Variants in TCF20 observed in about 807,000 individuals in gnomAD.
TCF20 encodes the protein transcription factor 20.
TCF20 carries 3 observed loss-of-function variants against 148.6 expected under a neutral mutation model. That is an observed-to-expected ratio of 0.02 (90% CI 0.01 to 0.05). TCF20 has a LOEUF of 0.05. Ranked by LOEUF, TCF20 falls within the 10% of genes least tolerant of loss-of-function variation. The pLI is 1.00. For synonymous variants in TCF20, 1,049 were observed against 909.5 expected (o/e 1.15, Z -2.76); for missense variants, 2,350 against 2,429.3 (o/e 0.97, Z 0.69).
Position 42,207,978 on chromosome 22 carries a change from C to T in TCF20, c.5655+1673G>A, listed in dbSNP as rs372949926. Among the ~76,000 whole-genome samples the T allele has an allele frequency of 3.9e-5, 6 of 152,180 alleles. No homozygotes were observed. In the East Asian group the frequency reaches 1.2e-3, roughly 29 times the overall value. ...CTGACGTGGGAGGATTGCTTAAGCT[C>T]AGGTGGTGAGACCAGCCTGCCTGGG... On this transcript the variant is annotated intron_variant, in intron 2 of 5. Transcript: ENST00000677622.
intron 1 of TCF20, among the ~76,000 whole-genome samples, chr22:42,261,162 T>C (rs1431730117): frequency 1.3e-5 from 2 of 152,268 alleles, no homozygotes; most frequent in South Asian, 2.1e-4. Flanking sequence ...TAATCCTTAT[T>C]ACACGTATCT....
chr22:42,217,084 A>C (rs1921885653), intron 1 of TCF20, among the ~76,000 whole-genome samples: 1 of 152,250 alleles, frequency 6.6e-6, no homozygotes. Flanking sequence ...GAAAGTCAAC[A>C]ACCTTTTTAA....
Position 42,211,492 on chromosome 22 carries a change from C to T in TCF20, c.3814G>A (p.Asp1272Asn). ...TCTTCAGTGCTACTGTTCTTTACAT[C>T]TTGTGACTGTCTCTTACTGGGAATG... ...SPIPSKRQSQ[D>N]VKNSSTEDKG... Residue 1272 changes from aspartate (D) to asparagine (N), a missense_variant, in exon 2 of 6, where the codon GAT becomes AAT. This residue lies in a region of TCF20 where 1,641 missense variants were observed against 1,662.6 expected (regional missense o/e 0.99). Transcript: ENST00000677622. 6.2e-7 allele frequency: 1 copy of T among 1,614,180 alleles called. No individual in the cohort carries two copies. Among genetic ancestry groups the T allele is most frequent in the Non-Finnish European group, 8.5e-7 (1 of 1,180,036 alleles).
At chr22:42,164,798 G>A (rs962739274) in intron 5 of TCF20, among the ~76,000 whole-genome samples, 1 of 152,202 alleles carries the variant, frequency 6.6e-6, no homozygotes, top group African/African-American at 2.4e-5. Context: ...CCCAGGAGAT[G>A]GGAGCCTGTT....
In TCF20 at chr22:42,212,569, C is replaced by G. The variant is rs1466164378; in HGVS notation, c.2737G>C (p.Gly913Arg). The G allele has an allele frequency of 6.2e-7, 1 of 1,613,914 alleles. No individual in the cohort carries two copies. Among genetic ancestry groups the G allele is most frequent in the Admixed American group, 1.7e-5 (1 of 60,010 alleles). Residue 913 changes from glycine (G) to arginine (R), a missense_variant, in exon 2 of 6, where the codon GGT becomes CGT. Around this residue, in one of 7 missense-constraint regions of TCF20, gnomAD observed 1,641 missense variants for 1,662.6 expected, o/e 0.99. Transcript: ENST00000677622. ...TLSQSVILPG[G>R]LVSMETKLKS... is the part of the protein sequence containing the mutation. ...AGCTTGGTTTCCATGGACACCAAAC[C>G]ACCAGGAAGAATGACCGACTGACTT...
intron 2 of TCF20, among the ~76,000 whole-genome samples, chr22:42,181,725 C>T (rs968065088): frequency 6.6e-6 from 1 of 151,578 alleles, no homozygotes; most frequent in African/African-American, 2.4e-5. Context: ...CTCCTGACCT[C>T]AGCCTCCCGA....
intron 1 of TCF20, among the ~76,000 whole-genome samples, chr22:42,266,512 C>T (rs79259382): frequency 2.9e-3 from 448 of 152,250 alleles, no homozygotes; most frequent in African/African-American, 0.01. Context: ...TATCTGTAAC[C>T]CCAGCACTTT....
chr22:42,296,249 G>A (rs1466431624), intron 1 of TCF20, among the ~76,000 whole-genome samples: 1 of 152,224 alleles, frequency 6.6e-6, no homozygotes, highest in Non-Finnish European at 1.5e-5. Context: ...GGGATGCTGT[G>A]TCCTTGACCC....
intron 1 of TCF20, among the ~76,000 whole-genome samples, chr22:42,251,520 T>TTTTTA (rs1555947166): frequency 8.6e-5 from 10 of 115,714 alleles, no homozygotes; most frequent in Admixed American, 1.7e-4. Context: ...TTTTTTTTTT[T>TTTTTA]GAGACAGAAT....
intron 3 of TCF20, among the ~76,000 whole-genome samples, chr22:42,171,509 G>T (rs904652302): frequency 6.6e-6 from 1 of 152,212 alleles, no homozygotes; most frequent in African/African-American, 2.4e-5. Flanking sequence ...GAGCCCATGA[G>T]TATCTAAGAG....
At chr22:42,224,800 T>C (rs938154661) in intron 1 of TCF20, among the ~76,000 whole-genome samples, 5 of 152,056 alleles carry the variant, frequency 3.3e-5, no homozygotes, top group African/African-American at 1.2e-4. Flanking sequence ...TAGTATCAGA[T>C]GAAAAGAGCA....
rs376787114 is a variant in TCF20, at chr22:42,213,562, T to A, written c.1744A>T (p.Thr582Ser). 3.7e-6 allele frequency: 6 copies of A among 1,614,030 alleles called. No individual in the cohort carries two copies. The highest frequency in any genetic ancestry group is 5.1e-6 in the Non-Finnish European group (6 of 1,180,032). Reference sequence around the variant, plus strand: ...GGCATGTCCTTAGCGCCTGGTGAGGTGGCCTCTTCTCTTGCGGCAGGACTA... The same window carrying A: ...GGCATGTCCTTAGCGCCTGGTGAGGAGGCCTCTTCTCTTGCGGCAGGACTA... ...NASPAAREEA[T>S]SPGAKDMPLS... Residue 582 changes from threonine to serine, a missense_variant, in exon 2 of 6, where the codon ACC becomes TCC. Physicochemically the swap from Thr to Ser is moderately conservative, Grantham distance 58. Coordinates refer to ENST00000677622, the MANE Select transcript of TCF20 (RefSeq NM_001378418.1).
intron 3 of TCF20, among the ~76,000 whole-genome samples, chr22:42,171,567 TTAC>T (rs1265757340): frequency 6.6e-6 from 1 of 152,274 alleles, no homozygotes; most frequent in African/African-American, 2.4e-5. Flanking sequence ...GCTCAGCAAC[TTAC>T]TACTAACCTC....
intron 1 of TCF20, among the ~76,000 whole-genome samples, chr22:42,256,998 A>G (rs905270132): frequency 3.2e-4 from 48 of 152,310 alleles, no homozygotes; most frequent in African/African-American, 1.1e-3. Context: ...AATCTCTACA[A>G]AAGAAAATAA....
At position 42,334,573 on chromosome 22, in the gene TCF20, G is replaced by A. The variant is rs944909508; in HGVS notation, c.-37+8906C>T. On this transcript the variant is annotated intron_variant, in intron 1 of 1. Transcript: ENST00000515426. The stretch of plus-strand genomic sequence containing the variant: ...GGCTAGGCTGCAGGGAGGTGGTTCC[G>A]AGTCAACAACCGCTCCAGCCCTTAC... 3.3e-5 allele frequency among the ~76,000 whole-genome samples: 5 copies of A among 152,260 alleles called. No individual in the cohort carries two copies. The East Asian group carries it at 9.6e-4, about 29-fold the overall frequency.
chr22:42,338,140 G>A lies in TCF20; in HGVS notation c.-37+5339C>T, dbSNP rs968280428. Among the ~76,000 whole-genome samples the A allele has an allele frequency of 7.2e-5, 11 of 152,158 alleles. No homozygotes were observed. The highest frequency in any genetic ancestry group is 6.5e-4 in the Admixed American group (10 of 15,274). On this transcript the variant is annotated intron_variant, in intron 1 of 1. Transcript: ENST00000515426. This position sits in a 1 kb window ranked among gnomAD's most constrained non-coding sequence, Gnocchi z 4.0. Reference sequence around the variant, plus strand: ...CTACTCTGTACACAACTCCCGCCTCGGTCTCCACGCGTCCCCTGAGATCCC... The same window carrying A: ...CTACTCTGTACACAACTCCCGCCTCAGTCTCCACGCGTCCCCTGAGATCCC...
chr22:42,165,272 G>A (rs1935713988), intron 5 of TCF20, among the ~76,000 whole-genome samples: 1 of 152,230 alleles, frequency 6.6e-6, no homozygotes, highest in Non-Finnish European at 1.5e-5. Context: ...GGGGGGCCAC[G>A]CCCCGTTCCC....
chr22:42,225,796 T>TAC (rs965572074), intron 1 of TCF20, among the ~76,000 whole-genome samples: 14 of 152,174 alleles, frequency 9.2e-5, no homozygotes, highest in African/African-American at 3.4e-4. Flanking sequence ...ACAGGACCTC[T>TAC]ACTTCAGGAA....
chr22:42,272,195 GTTCT>G (rs1943045118), upstream of TCF20, among the ~76,000 whole-genome samples: 1 of 152,178 alleles, frequency 6.6e-6, no homozygotes, highest in Non-Finnish European at 1.5e-5. Context: ...TATTCCCATT[GTTCT>G]TCTGAGTTTC....
Sources: allele counts gnomAD v4.1 joint callset (sites outside exome capture counted in the v4.1 genomes callset), GRCh38; gene constraint gnomAD v4.1.1; regional missense constraint gnomAD v4.1.1; non-coding constraint Gnocchi (gnomAD v3.1); transcripts MANE v1.5; gene names NCBI Gene and HGNC (gene_info 2026-07-23, HGNC 2026-07-21).